Variants in TRABD2B observed in about 807,000 individuals in gnomAD.
TRABD2B encodes metalloprotease TIKI2.
A neutral mutation model predicts 40.1 loss-of-function variants in TRABD2B; 14 were observed. The observed-to-expected ratio is 0.35, with a 90% CI of 0.23 to 0.55. The LOEUF (loss-of-function observed/expected upper bound fraction) is 0.55. TRABD2B is among the 20% of genes least tolerant of loss of function. The pLI is 0.90. For synonymous variants in TRABD2B, 263 were observed against 277.0 expected (o/e 0.95, Z 0.50); for missense variants, 541 against 648.6 (o/e 0.83, Z 1.80).
rs1211687214 is a variant in TRABD2B, at chr1:47,994,676, A to G, written c.103-79T>C. 2 of 1,328,962 alleles carry G rather than the reference A, an allele frequency of 1.5e-6. No individual in the cohort carries two copies. The highest frequency in any genetic ancestry group is 2.0e-6 in the Non-Finnish European group (2 of 983,658). The allele number at this position is 1,328,962 out of a possible 1,614,324, so 82.3% of individuals were successfully genotyped here. A position where few individuals can be genotyped will look rare whatever the true frequency, so the allele number is the denominator to read the frequency against. ...TCAGGGTAGCCCAGAGGCACGTTGC[A>G]GAGGGAGGTGGGGATGGGAGGCAGA... On this transcript the variant is annotated intron_variant, in intron 1 of 6. Coordinates refer to ENST00000606738, the MANE Select transcript of TRABD2B (RefSeq NM_001194986.2). The surrounding 1 kb of genome is among the most constrained non-coding windows in gnomAD (Gnocchi z 6.7).
intron 2 of TRABD2B, among the ~76,000 whole-genome samples, chr1:47,894,244 C>G (rs1644487725): frequency 6.6e-6 from 1 of 152,160 alleles, no homozygotes; most frequent in Non-Finnish European, 1.5e-5. Flanking sequence ...ACACTTAGTA[C>G]TGTGACCTTG....
At chr1:47,808,909 G>T (rs916537403) in intron 2 of TRABD2B, among the ~76,000 whole-genome samples, 2 of 152,126 alleles carry the variant, frequency 1.3e-5, no homozygotes, top group East Asian at 1.9e-4. Flanking sequence ...AGGAGAGGGG[G>T]TGTTAGAACT....
rs558091984 is a variant in TRABD2B at position 47,952,321 on chromosome 1, C to T, written c.666+41713G>A. On this transcript the variant is annotated intron_variant, in intron 2 of 6. Transcript: ENST00000606738. ...TCTCCTCCAGGAATCCTCCCTTGCT[C>T]CCTCCTGCCTCTGCTCATCTAGCCC... Among the ~76,000 whole-genome samples, 26 of 152,294 alleles carry T rather than the reference C, an allele frequency of 1.7e-4. 1 individual carries two copies. The South Asian group carries it at 5.2e-3, about 30-fold the overall frequency.
chr1:47,799,350 G>C (rs1052479190), intron 3 of TRABD2B, among the ~76,000 whole-genome samples: 2 of 152,132 alleles, frequency 1.3e-5, no homozygotes, highest in Admixed American at 1.3e-4. Flanking sequence ...CCACAAAGGG[G>C]GTCACTCGTA....
intron 2 of TRABD2B, among the ~76,000 whole-genome samples, chr1:47,937,996 ATAT>A (rs1645136369): frequency 6.6e-6 from 1 of 152,186 alleles, no homozygotes. Context: ...GTCTCCAACA[ATAT>A]TATGATTCTC....
chr1:47,846,870 A>T (rs1407151334), intron 2 of TRABD2B, among the ~76,000 whole-genome samples: 1 of 151,328 alleles, frequency 6.6e-6, no homozygotes, highest in Non-Finnish European at 1.5e-5. Context: ...ACACACACAC[A>T]CACACACACA....
intron 2 of TRABD2B, among the ~76,000 whole-genome samples, chr1:47,865,352 AC>A (rs1430522712): frequency 6.6e-6 from 1 of 151,828 alleles, no homozygotes; most frequent in Non-Finnish European, 1.5e-5. Context: ...TTACAAGCTG[AC>A]CCAAAGGCCC....
intron 2 of TRABD2B, among the ~76,000 whole-genome samples, chr1:47,930,845 C>A (rs1189019528): frequency 1.3e-5 from 2 of 152,132 alleles, no homozygotes; most frequent in Admixed American, 6.5e-5. Context: ...GACCCAGGGT[C>A]TCACCAGCAG....
At chr1:47,851,780 A>C (rs1020088945) in intron 2 of TRABD2B, among the ~76,000 whole-genome samples, 6 of 152,212 alleles carry the variant, frequency 3.9e-5, no homozygotes, top group Admixed American at 1.3e-4. Flanking sequence ...ATCGCACCAC[A>C]TGCATCACTG....
intron 3 of TRABD2B, among the ~76,000 whole-genome samples, chr1:47,796,445 A>G (rs546752120): frequency 6.6e-6 from 1 of 152,358 alleles, no homozygotes; most frequent in South Asian, 2.1e-4. Flanking sequence ...CCTGCAGCCC[A>G]GCCACATGGC....
At chr1:47,980,606 C>A (rs1162834872) in intron 2 of TRABD2B, among the ~76,000 whole-genome samples, 1 of 152,220 alleles carries the variant, frequency 6.6e-6, no homozygotes, top group South Asian at 2.1e-4. Context: ...GGCCCTCCAT[C>A]ACATTTCCCC....
At chr1:47,855,335 C>T (rs917950832) in intron 2 of TRABD2B, among the ~76,000 whole-genome samples, 9 of 152,142 alleles carry the variant, frequency 5.9e-5, no homozygotes. Flanking sequence ...CTCCTTAATC[C>T]CAGTCCCTTC....
At chr1:47,981,715 A>G (rs375055684) in intron 2 of TRABD2B, among the ~76,000 whole-genome samples, 1 of 152,318 alleles carries the variant, frequency 6.6e-6, no homozygotes, top group East Asian at 1.9e-4. Flanking sequence ...ACAGTTTAAT[A>G]ATAACTAATT....
At chr1:47,891,306 C>T (rs560008759) in intron 2 of TRABD2B, among the ~76,000 whole-genome samples, 33 of 152,068 alleles carry the variant, frequency 2.2e-4, no homozygotes, top group Admixed American at 1.7e-3. Flanking sequence ...CAAATATACA[C>T]GCCATGTAGG....
Position 47,996,629 on chromosome 1 carries a change from T to G in TRABD2B, c.102+59A>C. On this transcript the variant is annotated intron_variant, in intron 1 of 6. Coordinates refer to ENST00000606738, the MANE Select transcript of TRABD2B (RefSeq NM_001194986.2). The surrounding 1 kb of genome is among the most constrained non-coding windows in gnomAD (Gnocchi z 4.6). ...TGCGGAAGCAGGACCCAAACCATGGTCCCACGGGACTAGAATACCCAGGCA... is the reference window on the plus strand; with the variant it reads ...TGCGGAAGCAGGACCCAAACCATGGGCCCACGGGACTAGAATACCCAGGCA... 8.2e-7 allele frequency: 1 copy of G among 1,216,380 alleles called. No individual in the cohort carries two copies. 75.3% of individuals were successfully genotyped at this position (1,216,380 alleles called of 1,614,324 possible). A position where few individuals can be genotyped will look rare whatever the true frequency, so the allele number is the denominator to read the frequency against.
rs906250205 is a variant in TRABD2B at position 47,777,014 on chromosome 1, C to T, written c.1079+1440G>A. 6.6e-5 allele frequency among the ~76,000 whole-genome samples: 10 copies of T among 152,326 alleles called. No individual in the cohort carries two copies. The South Asian group carries it at 1.0e-3, about 16-fold the overall frequency. ...CCCCTCCGCCCTGCCAACTCCCTTG[C>T]TCCCCCGTGCAGGAGGCTAAGGCTG... On this transcript the variant is annotated intron_variant, in intron 5 of 6. Coordinates refer to ENST00000606738, the MANE Select transcript of TRABD2B (RefSeq NM_001194986.2).
intron 2 of TRABD2B, among the ~76,000 whole-genome samples, chr1:47,841,703 C>T (rs946116592): frequency 3.3e-5 from 5 of 152,016 alleles, no homozygotes; most frequent in Non-Finnish European, 4.4e-5. Context: ...GGCAGGTTCC[C>T]AGAGCCAGGG....
intron 2 of TRABD2B, among the ~76,000 whole-genome samples, chr1:47,972,124 G>A (rs1357899041): frequency 1.3e-5 from 2 of 152,184 alleles, no homozygotes; most frequent in Non-Finnish European, 2.9e-5. Context: ...ATTATTAGCA[G>A]TATCATTATT....
intron 2 of TRABD2B, among the ~76,000 whole-genome samples, chr1:47,881,657 G>C (rs945109137): frequency 6.6e-6 from 1 of 152,224 alleles, no homozygotes; most frequent in Admixed American, 6.5e-5. Flanking sequence ...TCGTAAGTCT[G>C]TGGGTATGTG....
Sources: allele counts gnomAD v4.1 joint callset (sites outside exome capture counted in the v4.1 genomes callset), GRCh38; gene constraint gnomAD v4.1.1; non-coding constraint Gnocchi (gnomAD v3.1); transcripts MANE v1.5; gene names NCBI Gene and HGNC (gene_info 2026-07-23, HGNC 2026-07-21).